The following NFAT5 variants were observed in gnomAD, a reference collection of about 807,000 sequenced individuals.
The protein encoded by NFAT5 is nuclear factor of activated T cells 5.
Under a neutral mutation model 166.5 loss-of-function variants are expected in NFAT5, and 31 were observed. The observed-to-expected ratio is 0.19, with a 90% CI of 0.14 to 0.25. The LOEUF is 0.25. Among genes scored for constraint, NFAT5 ranks in the 10% least tolerant of loss-of-function variants. The pLI is 1.00. For synonymous variants in NFAT5, 612 were observed against 639.7 expected (o/e 0.96, Z 0.65); for missense variants, 1,449 against 1,821.8 (o/e 0.80, Z 3.72).
intron 11 of NFAT5, among the ~76,000 whole-genome samples, chr16:69,686,397 C>G (rs552707483): frequency 6.6e-6 from 1 of 151,998 alleles, no homozygotes; most frequent in South Asian, 2.1e-4. Context: ...GTGGCATGCA[C>G]TTATCATCCT....
At chr16:69,597,851 C>A (rs945732762) in intron 2 of NFAT5, among the ~76,000 whole-genome samples, 9 of 152,074 alleles carry the variant, frequency 5.9e-5, no homozygotes, top group African/African-American at 2.2e-4. Context: ...CCTCAGCCTC[C>A]CAAAGTGCTG....
intron 5 of NFAT5, among the ~76,000 whole-genome samples, chr16:69,653,718 G>A (rs1052916836): frequency 1.3e-5 from 2 of 151,960 alleles, no homozygotes; most frequent in African/African-American, 2.4e-5. Flanking sequence ...GACTACAGGT[G>A]TGTGCCACCA....
At chr16:69,579,272 C>T (rs753727261) in intron 2 of NFAT5, among the ~76,000 whole-genome samples, 12 of 151,924 alleles carry the variant, frequency 7.9e-5, no homozygotes, top group South Asian at 4.1e-4. Flanking sequence ...ATTGGGCTAA[C>T]GTAGGGTGAA....
chr16:69,686,211 G>A (rs1362042803), intron 11 of NFAT5: 1 of 152,112 alleles, frequency 6.6e-6, no homozygotes, highest in African/African-American at 2.4e-5. Flanking sequence ...AAATTAGCCT[G>A]GCATGGTGAT....
chr16:69,630,996 C>A (rs550221669), intron 3 of NFAT5, among the ~76,000 whole-genome samples: 1 of 152,278 alleles, frequency 6.6e-6, no homozygotes, highest in South Asian at 2.1e-4. Flanking sequence ...AAGTTACTTT[C>A]TTGTTCTATT....
intron 2 of NFAT5, among the ~76,000 whole-genome samples, chr16:69,625,483 TTGGAG>T (rs944659982): frequency 9.2e-5 from 14 of 152,010 alleles, no homozygotes; most frequent in African/African-American, 3.1e-4. Flanking sequence ...CTTTCCAGGG[TTGGAG>T]ATGCCTCAGA....
chr16:69,670,812 C>T (rs550911902), intron 9 of NFAT5, among the ~76,000 whole-genome samples: 4 of 152,068 alleles, frequency 2.6e-5, no homozygotes, highest in Non-Finnish European at 5.9e-5. Context: ...GGACCAAACC[C>T]CTAGAAATTG....
rs1000521919 is a variant in NFAT5 at position 69,566,355 on chromosome 16, C to G, written c.54C>G (p.Pro18=). Residue 18 remains proline, a synonymous_variant, in exon 1 of 15, where the codon CCC becomes CCG. Transcript: ENST00000349945. The surrounding 1 kb of genome is among the most constrained non-coding windows in gnomAD (Gnocchi z 5.7). Reference sequence around the variant, plus strand: ...GCGCGGACCTAGACCTGGAATCGCCCAAGTCCCTCTACTCGCGAGGTGAGT... The same window carrying G: ...GCGCGGACCTAGACCTGGAATCGCCGAAGTCCCTCTACTCGCGAGGTGAGT... The part of the protein sequence containing the change: ...LLSADLDLES[P]KSLYSRDSLK... The G allele has an allele frequency of 6.3e-7, 1 of 1,598,308 alleles. No homozygotes were observed. Among genetic ancestry groups the G allele is most frequent in the Non-Finnish European group, 8.5e-7 (1 of 1,171,082 alleles).
rs766538076 is a variant in NFAT5 at position 69,701,418 on chromosome 16, A to C, written c.*5067A>C. 5.2e-5 allele frequency: 8 copies of C among 152,538 alleles called. No homozygotes were observed. The highest frequency in any genetic ancestry group is 1.9e-4 in the African/African-American group (8 of 41,416). 9.4% of individuals were successfully genotyped at this position (152,538 alleles called of 1,614,324 possible). On this transcript the variant is annotated 3_prime_UTR_variant, in exon 15 of 15. Coordinates refer to ENST00000349945, the MANE Select transcript of NFAT5 (RefSeq NM_138713.4). Reference sequence around the variant, plus strand: ...ATCATTTATAATTTCATTTTTCACTATTTCCAAAAACACATAAACAAATAG... The same window carrying C: ...ATCATTTATAATTTCATTTTTCACTCTTTCCAAAAACACATAAACAAATAG...
At chr16:69,635,980 A>ACAAGG (rs1480156695) in intron 3 of NFAT5, among the ~76,000 whole-genome samples, 2 of 152,194 alleles carry the variant, frequency 1.3e-5, no homozygotes, top group African/African-American at 2.4e-5. Context: ...CTCATCTGAG[A>ACAAGG]CAAGGCAAGC....
chr16:69,636,421 G>A lies in NFAT5; in HGVS notation c.253+9893G>A, dbSNP rs753537483. Among the ~76,000 whole-genome samples the A allele has an allele frequency of 4.6e-5, 7 of 152,120 alleles. No homozygotes were observed. The East Asian group carries it at 7.7e-4, about 17-fold the overall frequency. ...AGCTCCATTACATAGTACCCAGTAC[G>A]GACTCTGTGTGGGGTCTCCAACCCC... On this transcript the variant is annotated intron_variant, in intron 3 of 14. Transcript: ENST00000349945.
intron 4 of NFAT5, 30 bp from the exon 5 acceptor site, chr16:69,653,206 C>A: frequency 2.8e-6 from 4 of 1,437,776 alleles, no homozygotes; most frequent in Non-Finnish European, 3.7e-6. Context: ...CTTTTTGATA[C>A]TTTCTCCATG....
chr16:69,612,659 A>G (rs1400854691), intron 2 of NFAT5, among the ~76,000 whole-genome samples: 1 of 152,082 alleles, frequency 6.6e-6, no homozygotes, highest in Non-Finnish European at 1.5e-5. Context: ...CAGACTGGAC[A>G]ACAAAAGGAG....
intron 2 of NFAT5, among the ~76,000 whole-genome samples, chr16:69,607,592 A>G (rs2033481855): frequency 6.6e-6 from 1 of 152,210 alleles, no homozygotes; most frequent in Non-Finnish European, 1.5e-5. Context: ...CCCTTTAAAG[A>G]TAAATAGGTG....
intron 2 of NFAT5, among the ~76,000 whole-genome samples, chr16:69,595,430 C>A (rs1236188805): frequency 6.6e-6 from 1 of 152,082 alleles, no homozygotes; most frequent in Non-Finnish European, 1.5e-5. Flanking sequence ...GTTTCTGGTG[C>A]AACATATTGC....
intron 10 of NFAT5, among the ~76,000 whole-genome samples, chr16:69,682,898 A>G (rs1226822599): frequency 1.3e-5 from 2 of 152,180 alleles, no homozygotes; most frequent in Non-Finnish European, 2.9e-5. Context: ...ATGTTAGAAA[A>G]TATAAAATAA....
chr16:69,580,342 A>G (rs1249708005), intron 2 of NFAT5, among the ~76,000 whole-genome samples: 1 of 152,024 alleles, frequency 6.6e-6, no homozygotes, highest in African/African-American at 2.4e-5. Flanking sequence ...AGCCTGGGCA[A>G]TACAGTGAAA....
chr16:69,569,811 AC>A (rs2016329045), intron 2 of NFAT5, among the ~76,000 whole-genome samples: 1 of 152,214 alleles, frequency 6.6e-6, no homozygotes, highest in African/African-American at 2.4e-5. Context: ...TTTGTTTTGT[AC>A]GTGTAAGAAG....
chr16:69,683,142 C>T (rs1248676536), intron 10 of NFAT5, among the ~76,000 whole-genome samples: 4 of 152,106 alleles, frequency 2.6e-5, no homozygotes, highest in African/African-American at 4.8e-5. Context: ...ACCCAGGAGG[C>T]GGAGGTTGCA....
Sources: allele counts gnomAD v4.1 joint callset (sites outside exome capture counted in the v4.1 genomes callset), GRCh38; gene constraint gnomAD v4.1.1; non-coding constraint Gnocchi (gnomAD v3.1); transcripts MANE v1.5; gene names NCBI Gene and HGNC (gene_info 2026-07-23, HGNC 2026-07-21).